Variants in KHDRBS2 observed in about 807,000 individuals in gnomAD.
KHDRBS2 encodes KH domain-containing, RNA-binding, signal transduction-associated protein 2.
KHDRBS2 carries 26 observed loss-of-function variants against 44.3 expected under a neutral mutation model. The observed-to-expected ratio is 0.59, with a 90% confidence interval of 0.43 to 0.81. The LOEUF (loss-of-function observed/expected upper bound fraction) is 0.81. Ranked by LOEUF, KHDRBS2 falls within the 40% of genes least tolerant of loss-of-function variation. The pLI, the probability that KHDRBS2 is intolerant of heterozygous loss-of-function variation, is 0.00. For synonymous variants in KHDRBS2, 194 were observed against 151.1 expected, an observed-to-expected ratio of 1.28 and a Z score of -2.08; for missense variants, 476 against 433.1, an observed-to-expected ratio of 1.10 and a Z score of -0.88.
At chr6:62,009,118 C>T (rs1482296484) in intron 3 of KHDRBS2, among the ~76,000 whole-genome samples, 7 of 152,232 alleles carry the variant, frequency 4.6e-5, no homozygotes. Context: ...TGTTGAATGG[C>T]TTTGACCAAA....
intron 4 of KHDRBS2, among the ~76,000 whole-genome samples, chr6:61,910,110 A>C (rs561777993): frequency 1.0e-3 from 159 of 152,236 alleles, no homozygotes; most frequent in Non-Finnish European, 1.9e-3. Flanking sequence ...AATAGTAAAG[A>C]AGGTGTGGGA....
chr6:61,661,322 T>A, the KHDRBS2 span: 2 of 151,810 alleles, frequency 1.3e-5, no homozygotes, highest in Non-Finnish European at 2.9e-5. Flanking sequence ...CAGCCAGTCT[T>A]GGGTTTATTC....
chr6:62,185,014 C>T (rs1454693385), intron 1 of KHDRBS2, among the ~76,000 whole-genome samples: 1 of 151,920 alleles, frequency 6.6e-6, no homozygotes, highest in Non-Finnish European at 1.5e-5. Context: ...TTGTCACCTG[C>T]TGGCTACATG....
At chr6:62,266,593 C>G (rs1839240363) in intron 1 of KHDRBS2, among the ~76,000 whole-genome samples, 1 of 151,900 alleles carries the variant, frequency 6.6e-6, no homozygotes, top group Non-Finnish European at 1.5e-5. Flanking sequence ...GAGATCACCT[C>G]AAAAATAAAT....
intron 4 of KHDRBS2, 71 bp downstream of exon 4, chr6:61,977,995 T>C: frequency 7.8e-7 from 1 of 1,277,712 alleles, no homozygotes; most frequent in Non-Finnish European, 1.1e-6. Flanking sequence ...AAAAAGTCAG[T>C]GAAGATCAAA....
intron 8 of KHDRBS2, among the ~76,000 whole-genome samples, chr6:61,688,115 G>T (rs541298741): frequency 4.3e-4 from 65 of 151,856 alleles, no homozygotes; most frequent in African/African-American, 1.5e-3. Context: ...TTTTATGCTT[G>T]ACTCTGCTGT....
chr6:61,639,895 A>G, the KHDRBS2 span, among the ~76,000 whole-genome samples: 1 of 152,208 alleles, frequency 6.6e-6, no homozygotes, highest in East Asian at 1.9e-4. Flanking sequence ...AAAAAAGAAG[A>G]GGGGACTGTT....
intron 2 of KHDRBS2, among the ~76,000 whole-genome samples, chr6:62,172,359 G>C (rs757177299): frequency 4.6e-5 from 7 of 151,528 alleles, no homozygotes; most frequent in East Asian, 1.9e-4. Context: ...ATAATAGAAG[G>C]GTTCAATTCA....
At chr6:62,079,436 A>AAAAATT (rs1584561686) in intron 2 of KHDRBS2, among the ~76,000 whole-genome samples, 1 of 152,180 alleles carries the variant, frequency 6.6e-6, no homozygotes, top group East Asian at 1.9e-4. Flanking sequence ...CAATAATTAA[A>AAAAATT]AAAATTAAAA....
chr6:62,186,584 T>C (rs1185528464), intron 1 of KHDRBS2, among the ~76,000 whole-genome samples: 3 of 142,040 alleles, frequency 2.1e-5, no homozygotes, highest in African/African-American at 7.9e-5. Context: ...TACATATTCA[T>C]TTAAATATGA....
chr6:62,000,260 G>T (rs898123751), intron 3 of KHDRBS2, among the ~76,000 whole-genome samples: 5 of 152,078 alleles, frequency 3.3e-5, no homozygotes, highest in African/African-American at 9.7e-5. Context: ...ATATGCAGAA[G>T]AACTTATACC....
At chr6:62,264,023 C>T (rs73758524) in intron 1 of KHDRBS2, among the ~76,000 whole-genome samples, 1,755 of 151,756 alleles carry the variant, frequency 0.012, 36 homozygotes, top group African/African-American at 0.039. Flanking sequence ...GCACAAAATG[C>T]AATCTGAAAA....
At chr6:62,192,148 C>A (rs1824763290) in intron 1 of KHDRBS2, among the ~76,000 whole-genome samples, 1 of 151,880 alleles carries the variant, frequency 6.6e-6, no homozygotes, top group Non-Finnish European at 1.5e-5. Flanking sequence ...TATATCTGAT[C>A]AATCAGTAGA....
intron 2 of KHDRBS2, among the ~76,000 whole-genome samples, chr6:62,099,464 G>C (rs1460652860): frequency 1.3e-5 from 2 of 152,164 alleles, no homozygotes; most frequent in African/African-American, 4.8e-5. Flanking sequence ...CGGTTGGTGT[G>C]TTGTTCCCTA....
At chr6:62,284,920 C>G (rs1258795570) in intron 1 of KHDRBS2, among the ~76,000 whole-genome samples, 1 of 152,060 alleles carries the variant, frequency 6.6e-6, no homozygotes, top group Non-Finnish European at 1.5e-5. Context: ...CCATAACAAA[C>G]TTAGCTACAA....
chr6:62,137,676 C>A (rs1330073056), intron 2 of KHDRBS2, among the ~76,000 whole-genome samples: 1 of 152,086 alleles, frequency 6.6e-6, no homozygotes, highest in African/African-American at 2.4e-5. Context: ...TCCCAGGGTA[C>A]TCTCTTTTCC....
intron 2 of KHDRBS2, among the ~76,000 whole-genome samples, chr6:62,166,909 A>T (rs565617127): frequency 6.6e-6 from 1 of 152,092 alleles, no homozygotes; most frequent in African/African-American, 2.4e-5. Context: ...TGAGTTAAAC[A>T]AACAAACAAA....
intron 2 of KHDRBS2, among the ~76,000 whole-genome samples, chr6:62,074,171 C>G (rs75064063): frequency 0.011 from 1,652 of 151,920 alleles, 14 homozygotes; most frequent in Middle Eastern, 0.02. Flanking sequence ...ACACAAGGAT[C>G]TTAAACACAA....
rs1766162282 is a variant in KHDRBS2 at position 61,680,165 on chromosome 6, A to G, written c.*798T>C. 6.6e-6 allele frequency: 1 copy of G among 152,346 alleles called. No homozygotes were observed. The highest frequency in any genetic ancestry group is 1.5e-5 in the Non-Finnish European group (1 of 67,926). The allele number at this position is 152,346 out of a possible 1,614,324, so 9.4% of individuals were successfully genotyped here. A position where few individuals can be genotyped will look rare whatever the true frequency, so the allele number is the denominator to read the frequency against. On this transcript the variant is annotated 3_prime_UTR_variant, in exon 9 of 9. Coordinates refer to ENST00000281156, the MANE Select transcript of KHDRBS2 (RefSeq NM_152688.4). The stretch of plus-strand genomic sequence containing the variant: ...TCATTTTTGTAATTTTTAAATAGAA[A>G]ACATTTTAGGCATCTCTTGAAGAAG...
Sources: gnomAD v4.1 joint callset for allele counts (sites outside exome capture counted in the v4.1 genomes callset) on GRCh38, gnomAD v4.1.1 for gene constraint, MANE v1.5 for transcripts, NCBI Gene and HGNC (gene_info 2026-07-23, HGNC 2026-07-21) for gene names.